Variants in CDK12 observed in about 807,000 individuals in gnomAD.
CDK12 encodes cyclin dependent kinase 12.
In CDK12, 17 loss-of-function variants were observed where a neutral mutation model predicts 133.8. The ratio of observed to expected loss-of-function variants is 0.13; its 90% CI spans 0.09 to 0.19. The LOEUF is 0.19. Ranked by LOEUF, CDK12 falls within the 10% of genes least tolerant of loss-of-function variation. The pLI is 1.00. For missense variants in CDK12, 1,508 were observed against 1,818.7 expected, an observed-to-expected ratio of 0.83 and a Z score of 3.11; for synonymous variants, 694 against 683.6, an observed-to-expected ratio of 1.02 and a Z score of -0.24.
intron 2 of CDK12, among the ~76,000 whole-genome samples, chr17:39,489,262 G>A (rs1316002101): frequency 6.6e-6 from 1 of 151,698 alleles, no homozygotes; most frequent in Non-Finnish European, 1.5e-5. Context: ...TAGAGATGGG[G>A]TTTCACTGTA....
rs149023139 is a variant in CDK12 at position 39,513,712 on chromosome 17, A to G, written c.2769-2019A>G. Among the ~76,000 whole-genome samples, 414 of 152,362 alleles carry G rather than the reference A, an allele frequency of 2.7e-3. 1 individual carries two copies. Among genetic ancestry groups the G allele is most frequent in the African/African-American group, 9.3e-3 (386 of 41,592 alleles). On this transcript the variant is annotated intron_variant, in intron 8 of 13. Coordinates refer to ENST00000447079, the MANE Select transcript of CDK12 (RefSeq NM_016507.4). ...AGAAAACAGAAAAACACAATTGGAAATTAAAACTACATAAAGTTAGACATT... is the reference window on the plus strand; with the variant it reads ...AGAAAACAGAAAAACACAATTGGAAGTTAAAACTACATAAAGTTAGACATT...
intron 2 of CDK12, among the ~76,000 whole-genome samples, chr17:39,552,440 A>C (rs1430598192): frequency 6.6e-6 from 1 of 152,148 alleles, no homozygotes; most frequent in African/African-American, 2.4e-5. Flanking sequence ...TAGAGCAAGT[A>C]TGGTTTGTAG....
At chr17:39,471,997 A>G (rs968733088) in intron 2 of CDK12, among the ~76,000 whole-genome samples, 6 of 151,838 alleles carry the variant, frequency 4.0e-5, no homozygotes, top group African/African-American at 1.4e-4. Flanking sequence ...TATTTTTTGT[A>G]TTTTGAGACA....
At chr17:39,473,039 G>C (rs1035716285) in intron 2 of CDK12, among the ~76,000 whole-genome samples, 14 of 151,474 alleles carry the variant, frequency 9.2e-5, no homozygotes, top group African/African-American at 3.2e-4. Context: ...TCGCGCCGCT[G>C]TACTCCAGTC....
At chr17:39,499,209 T>TTCC (rs1555565387) in intron 5 of CDK12, among the ~76,000 whole-genome samples, 1 of 29,976 alleles carries the variant, frequency 3.3e-5, no homozygotes, top group Admixed American at 4.2e-4. Flanking sequence ...CTTTCTTTCC[T>TTCC]TTTTTTTTTT....
Position 39,511,598 on chromosome 17 carries a change from T to A in CDK12, c.2736T>A (p.Arg912=), listed in dbSNP as rs747281607. 5 of 1,612,780 alleles carry A rather than the reference T, an allele frequency of 3.1e-6. No homozygotes were observed. The highest frequency in any genetic ancestry group is 3.4e-6 in the Non-Finnish European group (4 of 1,179,002). ...CAGAACTACTGCTAGGAGAGGAACGTTACACACCAGCCATAGATGTTTGGA... is the reference window on the plus strand; with the variant it reads ...CAGAACTACTGCTAGGAGAGGAACGATACACACCAGCCATAGATGTTTGGA... ...RPPELLLGEE[R]YTPAIDVWSC... Residue 912 remains arginine (R), a synonymous_variant, in exon 8 of 14, where the codon CGT becomes CGA. Transcript: ENST00000447079.
chr17:39,543,645 C>T (rs2055535672), upstream of CDK12, among the ~76,000 whole-genome samples: 1 of 152,188 alleles, frequency 6.6e-6, no homozygotes, highest in Admixed American at 6.5e-5. Flanking sequence ...ACGTTTTGTT[C>T]ATCAACTTTG....
intron 6 of CDK12, among the ~76,000 whole-genome samples, chr17:39,506,196 A>G (rs2053106808): frequency 6.6e-6 from 1 of 151,256 alleles, no homozygotes; most frequent in East Asian, 1.9e-4. Flanking sequence ...GTGACACCAT[A>G]CAATATGATT....
At position 39,534,542 on chromosome 17, in the gene CDK12, A is replaced by C. The variant is rs1250274542; in HGVS notation, c.*3226A>C. On this transcript the variant is annotated 3_prime_UTR_variant, in exon 14 of 14. Coordinates refer to ENST00000447079, the MANE Select transcript of CDK12 (RefSeq NM_016507.4). Reference sequence around the variant, plus strand: ...GGAAAATTAAATATTTCCTGTTACTATACCACTTTTGCTCCATTGCATTTA... The same window carrying C: ...GGAAAATTAAATATTTCCTGTTACTCTACCACTTTTGCTCCATTGCATTTA... The C allele has an allele frequency of 1.3e-5, 3 of 231,600 alleles. No homozygotes were observed. In the Admixed American group the frequency reaches 1.7e-4, roughly 13 times the overall value. The allele number at this position is 231,600 out of a possible 1,614,324, so 14.3% of individuals were successfully genotyped here.
At chr17:39,492,676 TG>T in intron 3 of CDK12, 74 bp from the exon 4 acceptor site, 1 of 1,151,188 alleles carries the variant, frequency 8.7e-7, no homozygotes, top group Non-Finnish European at 1.2e-6. Flanking sequence ...CCCAAAGTGC[TG>T]GGATTACAGG....
At chr17:39,527,099 C>T (rs1000981100) in intron 13 of CDK12, among the ~76,000 whole-genome samples, 27 of 152,188 alleles carry the variant, frequency 1.8e-4, no homozygotes, top group South Asian at 2.1e-4. Flanking sequence ...TTTAACTCCT[C>T]GGAAATTCTC....
At chr17:39,528,011 G>C (rs568430684) in intron 13 of CDK12, among the ~76,000 whole-genome samples, 1 of 151,768 alleles carries the variant, frequency 6.6e-6, no homozygotes, top group African/African-American at 2.4e-5. Context: ...TGCCTCCTGG[G>C]TTCAAGCAAT....
intron 6 of CDK12, 49 bp from the exon 7 acceptor site, chr17:39,509,656 T>TG: frequency 7.6e-7 from 1 of 1,310,078 alleles, no homozygotes; most frequent in South Asian, 1.2e-5. Context: ...AGGTGTATTT[T>TG]GGAGGCCACT....
At chr17:39,539,446 G>T (rs2143675207), downstream of CDK12, among the ~76,000 whole-genome samples, 1 of 152,336 alleles carries the variant, frequency 6.6e-6, no homozygotes, top group East Asian at 1.9e-4. Context: ...GTTCAAGGCA[G>T]GTGGCAATTT....
Position 39,526,243 on chromosome 17 carries a change from A to G in CDK12, c.3687A>G (p.Glu1229=), listed in dbSNP as rs1242713784. The part of the protein sequence containing the change: ...KTQEPAGSLE[E]NNSDKNSGPQ... ...AAGAGCCAGCAGGCAGTCTGGAGGA[A>G]AACAACAGTGACAAGAACAGTGGGC... Residue 1229 remains glutamate, a synonymous_variant, in exon 13 of 14, where the codon GAA becomes GAG. Transcript: ENST00000447079. 1 of 1,612,238 alleles carries G rather than the reference A, an allele frequency of 6.2e-7. No homozygotes were observed. The highest frequency in any genetic ancestry group is 1.7e-5 in the Admixed American group (1 of 59,650).
downstream of CDK12, among the ~76,000 whole-genome samples, chr17:39,539,080 A>C (rs193229573): frequency 1.2e-3 from 186 of 152,304 alleles, no homozygotes; most frequent in Non-Finnish European, 1.2e-3. Context: ...GGTTAATCTA[A>C]GGAAGTATTT....
At chr17:39,565,023 C>CCAA (rs1187831034), downstream of CDK12, 1 of 152,330 alleles carries the variant, frequency 6.6e-6, no homozygotes, top group Admixed American at 6.5e-5. Context: ...ACAGCTGCTT[C>CCAA]CAGGCTGGCA....
At chr17:39,521,577 C>T (rs1038761397) in intron 11 of CDK12, among the ~76,000 whole-genome samples, 5 of 148,850 alleles carry the variant, frequency 3.4e-5, no homozygotes, top group East Asian at 2.0e-4. Context: ...TTGTTTTTTC[C>T]GAGACGGAGT....
At chr17:39,547,964 A>G (rs2303316), upstream of CDK12, 92,794 of 152,144 alleles carry the variant, frequency 0.61, 31,961 homozygotes, top group South Asian at 0.89. Flanking sequence ...GATGTAGTCA[A>G]GCAGTAAGTA....
Sources: allele counts gnomAD v4.1 joint callset (sites outside exome capture counted in the v4.1 genomes callset), GRCh38; gene constraint gnomAD v4.1.1; transcripts MANE v1.5; gene names NCBI Gene and HGNC (gene_info 2026-07-23, HGNC 2026-07-21).